AMBRA1: variants seen among roughly 807,000 people sequenced by gnomAD.
AMBRA1 encodes autophagy and beclin 1 regulator 1.
Under a neutral mutation model 125.4 loss-of-function variants are expected in AMBRA1, and 47 were observed. That is an observed-to-expected ratio of 0.37 (90% CI 0.30 to 0.48). AMBRA1 has a LOEUF of 0.48. Ranked by LOEUF, AMBRA1 falls within the 20% of genes least tolerant of loss-of-function variation. The pLI, the probability that AMBRA1 is intolerant of heterozygous loss-of-function variation, is 0.99. For synonymous variants in AMBRA1, 626 were observed against 655.5 expected (o/e 0.95, Z 0.69); for missense variants, 1,331 against 1,693.4 (o/e 0.79, Z 3.76).
chr11:46,573,641 T>C (rs1227269681), intron 1 of AMBRA1, among the ~76,000 whole-genome samples: 2 of 151,750 alleles, frequency 1.3e-5, no homozygotes, highest in African/African-American at 4.8e-5. Flanking sequence ...GTTTCTCTTT[T>C]TAAAGAAGCA....
At chr11:46,570,757 C>T (rs1015171416) in intron 1 of AMBRA1, among the ~76,000 whole-genome samples, 1 of 151,946 alleles carries the variant, frequency 6.6e-6, no homozygotes, top group Non-Finnish European at 1.5e-5. Flanking sequence ...CACATGACAA[C>T]AGAAAAAATT....
chr11:46,446,017 C>T (rs976697931), intron 11 of AMBRA1, among the ~76,000 whole-genome samples: 1 of 152,096 alleles, frequency 6.6e-6, no homozygotes, highest in Non-Finnish European at 1.5e-5. Flanking sequence ...CTCCCAAATC[C>T]CGGCTCCAGA....
At chr11:46,547,574 G>T (rs1207967962) in intron 3 of AMBRA1, among the ~76,000 whole-genome samples, 6 of 152,096 alleles carry the variant, frequency 3.9e-5, no homozygotes, top group Non-Finnish European at 7.3e-5. Context: ...TATCACACAG[G>T]CAAATGATTG....
At chr11:46,502,560 A>G (rs1950881857) in intron 9 of AMBRA1, among the ~76,000 whole-genome samples, 1 of 152,194 alleles carries the variant, frequency 6.6e-6, no homozygotes, top group Non-Finnish European at 1.5e-5. Flanking sequence ...TGATTCCTAC[A>G]GAAGTCCTAG....
chr11:46,432,231 G>T (rs376636604), intron 14 of AMBRA1, among the ~76,000 whole-genome samples: 1 of 152,182 alleles, frequency 6.6e-6, no homozygotes. Flanking sequence ...ACTGACATGA[G>T]AATGTGTAAG....
At chr11:46,409,687 C>T (rs1351084365) in intron 16 of AMBRA1, among the ~76,000 whole-genome samples, 2 of 152,236 alleles carry the variant, frequency 1.3e-5, no homozygotes, top group Non-Finnish European at 2.9e-5. Flanking sequence ...GCAGCCCAGG[C>T]CTTTTGAGAC....
intron 11 of AMBRA1, among the ~76,000 whole-genome samples, chr11:46,455,663 G>A (rs950939492): frequency 6.6e-6 from 1 of 152,232 alleles, no homozygotes; most frequent in African/African-American, 2.4e-5. Flanking sequence ...GGCCTGGTGA[G>A]CCTCAGAAAG....
intron 11 of AMBRA1, among the ~76,000 whole-genome samples, chr11:46,483,323 T>C (rs953732978): frequency 6.6e-6 from 1 of 152,144 alleles, no homozygotes; most frequent in Non-Finnish European, 1.5e-5. Context: ...AGTCACCTAT[T>C]TGCAGGAGTT....
intron 11 of AMBRA1, among the ~76,000 whole-genome samples, chr11:46,483,717 T>A (rs936725071): frequency 6.6e-6 from 1 of 152,034 alleles, no homozygotes; most frequent in Admixed American, 6.6e-5. Flanking sequence ...CTGACCAATA[T>A]GGTGAAACCC....
chr11:46,538,325 T>C (rs188170049), intron 7 of AMBRA1, among the ~76,000 whole-genome samples: 1 of 152,342 alleles, frequency 6.6e-6, no homozygotes, highest in Non-Finnish European at 1.5e-5. Flanking sequence ...TTTGTATATT[T>C]TAAAAGAAAA....
chr11:46,564,120 G>A (rs2043433676), intron 1 of AMBRA1, among the ~76,000 whole-genome samples: 1 of 145,168 alleles, frequency 6.9e-6, no homozygotes, highest in South Asian at 2.2e-4. Flanking sequence ...CTCCACTCTG[G>A]GCAACAAGAG....
At chr11:46,442,387 C>T (rs979427344) in intron 12 of AMBRA1, among the ~76,000 whole-genome samples, 1 of 151,950 alleles carries the variant, frequency 6.6e-6, no homozygotes, top group African/African-American at 2.4e-5. Context: ...ACGTGATCCT[C>T]CCAACTCAGC....
At chr11:46,519,011 C>T (rs1438697439) in intron 7 of AMBRA1, among the ~76,000 whole-genome samples, 1 of 151,814 alleles carries the variant, frequency 6.6e-6, no homozygotes, top group South Asian at 2.1e-4. Context: ...AAGAAAAGAA[C>T]CTTCACTTCA....
intron 17 of AMBRA1, among the ~76,000 whole-genome samples, chr11:46,399,502 G>A (rs1165617197): frequency 6.6e-6 from 1 of 152,040 alleles, no homozygotes; most frequent in East Asian, 1.9e-4. Flanking sequence ...GAGTAGCTGG[G>A]ATTACAGGCT....
intron 11 of AMBRA1, among the ~76,000 whole-genome samples, chr11:46,468,445 T>C (rs1410410060): frequency 6.6e-6 from 1 of 151,838 alleles, no homozygotes; most frequent in Non-Finnish European, 1.5e-5. Flanking sequence ...TCTGAACTCC[T>C]GGGCTTATGG....
chr11:46,537,516 A>G (rs1367818169), intron 7 of AMBRA1, among the ~76,000 whole-genome samples: 4 of 152,190 alleles, frequency 2.6e-5, no homozygotes, highest in African/African-American at 7.2e-5. Context: ...AGGGCACCCT[A>G]CCGCAAGGAG....
At chr11:46,562,882 T>C (rs1281512706) in intron 1 of AMBRA1, among the ~76,000 whole-genome samples, 5 of 151,652 alleles carry the variant, frequency 3.3e-5, no homozygotes, top group Non-Finnish European at 1.5e-5. Context: ...CTCACTGCAA[T>C]CTCCGCCTCC....
intron 14 of AMBRA1, among the ~76,000 whole-genome samples, chr11:46,422,466 C>T (rs568096560): frequency 4.4e-4 from 67 of 152,126 alleles, no homozygotes; most frequent in African/African-American, 1.5e-3. Context: ...TCTCTTGTAC[C>T]GCTTGCCTCT....
intron 1 of AMBRA1, among the ~76,000 whole-genome samples, chr11:46,592,638 C>T (rs1010400332): frequency 3.3e-5 from 5 of 151,960 alleles, no homozygotes; most frequent in African/African-American, 1.2e-4. Flanking sequence ...CGCGCCGGTA[C>T]TTCCAGCTAC....
Sources: gnomAD v4.1 joint callset for allele counts (sites outside exome capture counted in the v4.1 genomes callset) on GRCh38, gnomAD v4.1.1 for gene constraint, MANE v1.5 for transcripts, NCBI Gene and HGNC (gene_info 2026-07-23, HGNC 2026-07-21) for gene names.